The following PRKCE variants were observed in gnomAD, a reference collection of about 807,000 sequenced individuals.
PRKCE encodes protein kinase C epsilon, also known as protein kinase C epsilon type.
In PRKCE, 16 loss-of-function variants were observed where a neutral mutation model predicts 85.4. The observed-to-expected ratio is 0.19, with a 90% CI of 0.13 to 0.28. PRKCE has a LOEUF of 0.28. Among genes scored for constraint, PRKCE ranks in the 10% least tolerant of loss-of-function variants. PRKCE has a pLI of 1.00. For missense variants in PRKCE, 573 were observed against 975.2 expected, an observed-to-expected ratio of 0.59 and a Z score of 5.49; for synonymous variants, 388 against 371.5, an observed-to-expected ratio of 1.04 and a Z score of -0.51.
intron 11 of PRKCE, among the ~76,000 whole-genome samples, chr2:46,140,872 T>C (rs901489292): frequency 6.6e-6 from 1 of 152,122 alleles, no homozygotes; most frequent in Non-Finnish European, 1.5e-5. Flanking sequence ...TGGGCAACAA[T>C]TCATGGAAAA....
At chr2:45,958,484 G>C (rs2104396627) in intron 2 of PRKCE, among the ~76,000 whole-genome samples, 1 of 149,570 alleles carries the variant, frequency 6.7e-6, no homozygotes, top group Non-Finnish European at 1.5e-5. Context: ...ACTCCAGCCT[G>C]GCTGACAGAG....
intron 2 of PRKCE, among the ~76,000 whole-genome samples, chr2:45,963,695 A>T (rs1701538321): frequency 6.6e-6 from 1 of 152,094 alleles, no homozygotes; most frequent in African/African-American, 2.4e-5. Context: ...TTATCTTCAG[A>T]TTCCCTGAAA....
chr2:45,836,448 A>C (rs1690882876), intron 1 of PRKCE, among the ~76,000 whole-genome samples: 1 of 152,260 alleles, frequency 6.6e-6, no homozygotes, highest in African/African-American at 2.4e-5. Context: ...CTTCAAAATC[A>C]GCACCCCGCA....
intron 1 of PRKCE, among the ~76,000 whole-genome samples, chr2:45,731,574 G>T (rs1681576346): frequency 6.6e-6 from 1 of 151,846 alleles, no homozygotes; most frequent in Non-Finnish European, 1.5e-5. Flanking sequence ...TTACTAATGG[G>T]GAAACCTAAG....
rs1667832510 is a variant in PRKCE, at chr2:46,068,740, G to A, written c.1438-17468G>A. Among the ~76,000 whole-genome samples the A allele has an allele frequency of 1.3e-5, 2 of 152,238 alleles. No individual in the cohort carries two copies. The highest frequency in any genetic ancestry group is 2.1e-4 in the South Asian group (1 of 4,838). On this transcript the variant is annotated intron_variant, in intron 10 of 14. Transcript: ENST00000306156. This position sits in a 1 kb window ranked among gnomAD's most constrained non-coding sequence, Gnocchi z 4.3. ...TAGGAAATGCCTGGCATGTAGACGG[G>A]AGAGACTTGGAGCAGTTGCCCAAAT... is the stretch of plus-strand genomic sequence containing the variant.
intron 1 of PRKCE, among the ~76,000 whole-genome samples, chr2:45,729,603 G>A (rs1221487666): frequency 2.0e-5 from 3 of 152,258 alleles, no homozygotes; most frequent in Admixed American, 6.5e-5. Flanking sequence ...TTTTTACACC[G>A]TTTTGAAGGG....
intron 10 of PRKCE, among the ~76,000 whole-genome samples, chr2:46,064,735 T>A (rs1321941542): frequency 1.3e-5 from 2 of 152,342 alleles, no homozygotes; most frequent in African/African-American, 4.8e-5. Flanking sequence ...TATAATAAAC[T>A]AGGACTGGAG....
intron 9 of PRKCE, among the ~76,000 whole-genome samples, chr2:46,009,022 A>C (rs770479150): frequency 7.2e-5 from 11 of 152,238 alleles, no homozygotes; most frequent in Non-Finnish European, 1.3e-4. Context: ...TTGATGACTT[A>C]CATTGGAATA....
At chr2:45,961,416 T>C (rs186740734) in intron 2 of PRKCE, among the ~76,000 whole-genome samples, 1 of 152,264 alleles carries the variant, frequency 6.6e-6, no homozygotes, top group East Asian at 1.9e-4. Flanking sequence ...TATTGTGTCA[T>C]TCATTTTCCG....
chr2:45,741,411 C>G (rs1682556470), intron 1 of PRKCE, among the ~76,000 whole-genome samples: 1 of 152,202 alleles, frequency 6.6e-6, no homozygotes, highest in African/African-American at 2.4e-5. Context: ...GGCAGTAAGA[C>G]AGGGTCTTGG....
intron 1 of PRKCE, among the ~76,000 whole-genome samples, chr2:45,655,971 G>A (rs1675362076): frequency 1.3e-5 from 2 of 152,082 alleles, no homozygotes; most frequent in Middle Eastern, 3.4e-3. Context: ...ACAAGAAGGA[G>A]CAGTGTTCCT....
chr2:45,927,203 C>CA (rs556598225), intron 2 of PRKCE, among the ~76,000 whole-genome samples: 3 of 151,842 alleles, frequency 2.0e-5, no homozygotes, highest in Non-Finnish European at 4.4e-5. Flanking sequence ...TGTGAGTGTG[C>CA]ATGGGGGGGG....
intron 1 of PRKCE, among the ~76,000 whole-genome samples, 159 bp from the exon 2 acceptor site, chr2:45,842,841 C>A (rs1015202566): frequency 6.6e-6 from 1 of 152,210 alleles, no homozygotes; most frequent in Non-Finnish European, 1.5e-5. Flanking sequence ...ATCAGTCCTC[C>A]CAGGTCTGCA....
chr2:45,706,230 G>T (rs1347921926), intron 1 of PRKCE, among the ~76,000 whole-genome samples: 1 of 152,154 alleles, frequency 6.6e-6, no homozygotes, highest in East Asian at 1.9e-4. Context: ...CACAGCTGCT[G>T]TTGTAGTTGG....
At chr2:45,850,251 T>C (rs1692143151) in intron 2 of PRKCE, among the ~76,000 whole-genome samples, 1 of 152,238 alleles carries the variant, frequency 6.6e-6, no homozygotes, top group South Asian at 2.1e-4. Context: ...GGTGTGCCTG[T>C]CTTACCAATA....
rs920244553 is a variant in PRKCE, at chr2:46,083,936, C to A, written c.1438-2272C>A. Among the ~76,000 whole-genome samples the A allele has an allele frequency of 2.0e-5, 3 of 152,340 alleles. No homozygotes were observed. In the South Asian group the frequency reaches 6.2e-4, roughly 32 times the overall value. On this transcript the variant is annotated intron_variant, in intron 10 of 14. Transcript: ENST00000306156. ...GGAGGAGAGTCAGTGCTTCTCAACCCTGGCCGCACATGGGAATCACCTGAG... is the reference window on the plus strand; with the variant it reads ...GGAGGAGAGTCAGTGCTTCTCAACCATGGCCGCACATGGGAATCACCTGAG...
rs1041375362 is a variant in PRKCE at position 45,853,161 on chromosome 2, C to T, written c.412+10098C>T. On this transcript the variant is annotated intron_variant, in intron 2 of 14. Transcript: ENST00000306156. Reference sequence around the variant, plus strand: ...TTTTCTGTTTGGAATCTTCTCCCTCCCCATTCTCCTTTCTTATGGGGAAAG... The same window carrying T: ...TTTTCTGTTTGGAATCTTCTCCCTCTCCATTCTCCTTTCTTATGGGGAAAG... Among the ~76,000 whole-genome samples, 4 of 152,134 alleles carry T rather than the reference C, an allele frequency of 2.6e-5. No individual in the cohort carries two copies. In the East Asian group the frequency reaches 7.7e-4, roughly 29 times the overall value.
In PRKCE at chr2:46,068,614, A is replaced by G. The variant is rs76585596; in HGVS notation, c.1438-17594A>G. Among the ~76,000 whole-genome samples the G allele has an allele frequency of 3.3e-5, 5 of 152,332 alleles. No homozygotes were observed. The South Asian group carries it at 6.2e-4, about 19-fold the overall frequency. The stretch of plus-strand genomic sequence containing the variant: ...GGTTGTCACATACAGAATAAGATCA[A>G]TCATCAGATGTGTAGTTTAAGGATT... On this transcript the variant is annotated intron_variant, in intron 10 of 14. Transcript: ENST00000306156. This position sits in a 1 kb window ranked among gnomAD's most constrained non-coding sequence, Gnocchi z 4.3.
chr2:46,089,832 C>T (rs772966894), intron 11 of PRKCE, among the ~76,000 whole-genome samples: 4 of 152,172 alleles, frequency 2.6e-5, no homozygotes, highest in Non-Finnish European at 4.4e-5. Context: ...ATCCCTATTG[C>T]CACCCTTTAG....
Sources: allele counts gnomAD v4.1 joint callset (sites outside exome capture counted in the v4.1 genomes callset), GRCh38; gene constraint gnomAD v4.1.1; non-coding constraint Gnocchi (gnomAD v3.1); transcripts MANE v1.5; gene names NCBI Gene and HGNC (gene_info 2026-07-23, HGNC 2026-07-21).